Variants in WDR19 observed in about 807,000 individuals in gnomAD.
The protein encoded by WDR19 is WD repeat-containing protein 19.
In WDR19, 121 loss-of-function variants were observed where a neutral mutation model predicts 180.0. The ratio of observed to expected loss-of-function variants is 0.67; its 90% CI spans 0.58 to 0.78. The LOEUF (loss-of-function observed/expected upper bound fraction) is 0.78, where lower values mean the gene tolerates loss of function less well. Among genes scored for constraint, WDR19 ranks in the 30% least tolerant of loss-of-function variants. The pLI is 0.00. For missense variants in WDR19, 1,450 were observed against 1,640.7 expected, an observed-to-expected ratio of 0.88 and a Z score of 2.01; for synonymous variants, 497 against 540.7, an observed-to-expected ratio of 0.92 and a Z score of 1.12.
At chr4:39,241,726 C>G (rs192686114) in intron 21 of WDR19, among the ~76,000 whole-genome samples, 1 of 148,748 alleles carries the variant, frequency 6.7e-6, no homozygotes, top group African/African-American at 2.5e-5. Flanking sequence ...AATTGGGAAG[C>G]GGAGGTTGTA....
At chr4:39,241,026 C>T (rs1477114051) in intron 21 of WDR19, among the ~76,000 whole-genome samples, 2 of 151,822 alleles carry the variant, frequency 1.3e-5, no homozygotes, top group Non-Finnish European at 1.5e-5. Flanking sequence ...TTCATTCTGC[C>T]GTTTCTTTCT....
At chr4:39,263,498 C>T (rs559679868) in intron 28 of WDR19, among the ~76,000 whole-genome samples, 5 of 152,246 alleles carry the variant, frequency 3.3e-5, no homozygotes, top group Middle Eastern at 3.4e-3. Context: ...GCATTCCATC[C>T]GCACCCTGCC....
intron 32 of WDR19, 159 bp from the exon 33 acceptor site, chr4:39,274,649 T>A: frequency 6.2e-6 from 5 of 807,444 alleles, no homozygotes; most frequent in Non-Finnish European, 5.8e-6. Context: ...CACAGCTACG[T>A]ACTTTCCTCA....
intron 9 of WDR19, among the ~76,000 whole-genome samples, chr4:39,206,433 A>G (rs1727959027): frequency 6.6e-6 from 1 of 152,208 alleles, no homozygotes; most frequent in Non-Finnish European, 1.5e-5. Context: ...CTGTGGCTTC[A>G]AGAAGATAGG....
At chr4:39,197,560 C>T (rs1726894728) in intron 5 of WDR19, among the ~76,000 whole-genome samples, 1 of 151,894 alleles carries the variant, frequency 6.6e-6, no homozygotes, top group Non-Finnish European at 1.5e-5. Context: ...CTTAACTATT[C>T]TTCTCATTAG....
At chr4:39,279,924 A>T (rs929967670) in intron 36 of WDR19, among the ~76,000 whole-genome samples, 8 of 151,860 alleles carry the variant, frequency 5.3e-5, no homozygotes, top group Admixed American at 3.9e-4. Context: ...GCTGGTTTCC[A>T]ACTCCTGACT....
rs773869785 is a variant in WDR19, at chr4:39,216,189, T to C, written c.1228T>C (p.Phe410Leu). The C allele has an allele frequency of 3.8e-6, 6 of 1,572,828 alleles. No individual in the cohort carries two copies. In the South Asian group the frequency reaches 7.2e-5, roughly 19 times the overall value. Residue 410 changes from phenylalanine to leucine, a missense_variant, in exon 12 of 37, where the codon TTT becomes CTT. Coordinates refer to ENST00000399820, the MANE Select transcript of WDR19 (RefSeq NM_025132.4). ...TGTAGGAATGAATAATCGAGCTTGGTTTTATGTCCTTGGAGAAAATGGCAA... is the reference window on the plus strand; with the variant it reads ...TGTAGGAATGAATAATCGAGCTTGGCTTTATGTCCTTGGAGAAAATGGCAA... ...LAVGMNNRAWFYVLGENAVKK... is the reference protein window; with the variant it reads ...LAVGMNNRAWLYVLGENAVKK...
chr4:39,254,733 T>A (rs1337667952), intron 26 of WDR19, among the ~76,000 whole-genome samples: 1 of 152,184 alleles, frequency 6.6e-6, no homozygotes, highest in African/African-American at 2.4e-5. Context: ...CTCTAGAACT[T>A]TTTCATCATC....
chr4:39,210,210 A>G (rs1024026584), intron 9 of WDR19, among the ~76,000 whole-genome samples: 7 of 152,206 alleles, frequency 4.6e-5, no homozygotes, highest in African/African-American at 1.7e-4. Flanking sequence ...CCAAACAAAG[A>G]CAGTGTATTA....
intron 14 of WDR19, chr4:39,218,708 C>A (rs1265772671): frequency 1.3e-5 from 2 of 152,138 alleles, no homozygotes; most frequent in Non-Finnish European, 2.9e-5. Context: ...AATAAATTAA[C>A]CTTAGCTCAC....
At chr4:39,257,741 G>GT (rs1307390068) in intron 28 of WDR19, among the ~76,000 whole-genome samples, 187 bp downstream of exon 28, 46 of 150,968 alleles carry the variant, frequency 3.0e-4, no homozygotes, top group African/African-American at 1.1e-3. Context: ...CTCTTTCCCC[G>GT]GTTTTTTTTT....
chr4:39,206,579 T>C (rs1727976750), intron 9 of WDR19, among the ~76,000 whole-genome samples: 1 of 152,056 alleles, frequency 6.6e-6, no homozygotes, highest in African/African-American at 2.4e-5. Flanking sequence ...GACCTAGGGA[T>C]TGGAAAGTAC....
chr4:39,207,994 A>G (rs1375101571), intron 9 of WDR19, among the ~76,000 whole-genome samples: 3 of 152,290 alleles, frequency 2.0e-5, no homozygotes, highest in Admixed American at 1.3e-4. Flanking sequence ...TTTGTATGCG[A>G]TAAGACTTCT....
intron 5 of WDR19, among the ~76,000 whole-genome samples, chr4:39,197,964 G>C (rs971554002): frequency 1.3e-5 from 2 of 151,472 alleles, no homozygotes; most frequent in African/African-American, 2.4e-5. Flanking sequence ...TCAGCTTCCC[G>C]AGTAGCTGGG....
chr4:39,186,613 A>G lies in WDR19; in HGVS notation c.164+9A>G. The G allele has an allele frequency of 2.6e-6, 4 of 1,535,806 alleles. No individual in the cohort carries two copies. Among genetic ancestry groups the G allele is most frequent in the Non-Finnish European group, 3.5e-6 (4 of 1,146,988 alleles). ...GAAATTAACTTACCTGGGTAAGTAC[A>G]GAAGTAGATTTAAAAAAACCTGTCA... On this transcript the variant is annotated intron_variant, in intron 3 of 36. Coordinates refer to ENST00000399820, the MANE Select transcript of WDR19 (RefSeq NM_025132.4).
rs768218455 is a variant in WDR19 at position 39,231,871 on chromosome 4, T to C, written c.2057T>C (p.Leu686Pro). The change falls in exon 18 of 37, where the codon CTA becomes CCA. Residue 686 changes from leucine to proline, a missense_variant. Physicochemically the swap from Leu to Pro is moderately conservative, Grantham distance 98 (BLOSUM62 -3). Coordinates refer to ENST00000399820, the MANE Select transcript of WDR19 (RefSeq NM_025132.4). ...AAWNELARAC[L>P]HHMEVEFAIR... ...TGGAATGAGTTGGCCAGAGCTTGTC[T>C]ACATCACATGGAAGTGGAGTTTGCA... 6.2e-7 allele frequency: 1 copy of C among 1,613,148 alleles called. No homozygotes were observed. The highest frequency in any genetic ancestry group is 1.3e-5 in the African/African-American group (1 of 74,930).
In WDR19 at chr4:39,278,223, G is replaced by A. The variant is rs757510439; in HGVS notation, c.3917+16G>A. On this transcript the variant is annotated intron_variant, in intron 35 of 36. Coordinates refer to ENST00000399820, the MANE Select transcript of WDR19 (RefSeq NM_025132.4). The stretch of plus-strand genomic sequence containing the variant: ...AATTGAAGATGTAAGTGTGCATCAC[G>A]TCACTCAGTCTCACTGATTTCTCCC... The A allele has an allele frequency of 4.4e-6, 7 of 1,584,876 alleles. No individual in the cohort carries two copies. Among genetic ancestry groups the A allele is most frequent in the Middle Eastern group, 1.7e-4 (1 of 6,020 alleles).
At chr4:39,276,761 G>A (rs1735939586) in intron 33 of WDR19, among the ~76,000 whole-genome samples, 1 of 152,166 alleles carries the variant, frequency 6.6e-6, no homozygotes, top group African/African-American at 2.4e-5. Flanking sequence ...CATGCTTTCT[G>A]CCGTTGAATG....
chr4:39,199,443 TC>T (rs1727143007), intron 5 of WDR19, 34 bp from the exon 6 acceptor site: 2 of 1,537,486 alleles, frequency 1.3e-6, no homozygotes, highest in Non-Finnish European at 8.9e-7. Flanking sequence ...CTTTGAGAAA[TC>T]CACATGTCTG....
Sources: allele counts gnomAD v4.1 joint callset (sites outside exome capture counted in the v4.1 genomes callset), GRCh38; gene constraint gnomAD v4.1.1; transcripts MANE v1.5; gene names NCBI Gene and HGNC (gene_info 2026-07-23, HGNC 2026-07-21).